The following ZNF536 variants were observed in gnomAD, a reference collection of about 807,000 sequenced individuals.
The protein encoded by ZNF536 is zinc finger protein 536.
A neutral mutation model predicts 84.5 loss-of-function variants in ZNF536; 13 were observed. The observed-to-expected ratio is 0.15, with a 90% CI of 0.10 to 0.24. ZNF536 has a LOEUF of 0.24. ZNF536 is among the 10% of genes least tolerant of loss of function. The pLI, the probability that ZNF536 is intolerant of heterozygous loss-of-function variation, is 1.00. For synonymous variants in ZNF536, 811 were observed against 742.5 expected (o/e 1.09, Z -1.50); for missense variants, 1,536 against 1,747.5 (o/e 0.88, Z 2.16).
At chr19:30,566,384 A>G (rs1327918400) in intron 1 of ZNF536, among the ~76,000 whole-genome samples, 1 of 152,240 alleles carries the variant, frequency 6.6e-6, no homozygotes, top group Non-Finnish European at 1.5e-5. Context: ...GCAAAGTTGT[A>G]AATAATAAAG....
At chr19:30,425,860 G>A (rs1390832966) in intron 1 of ZNF536, among the ~76,000 whole-genome samples, 1 of 152,222 alleles carries the variant, frequency 6.6e-6, no homozygotes, top group African/African-American at 2.4e-5. Context: ...TAGGGACTGT[G>A]GTGGGCATGG....
intron 1 of ZNF536, among the ~76,000 whole-genome samples, chr19:30,583,823 G>A (rs937490720): frequency 1.3e-5 from 2 of 152,166 alleles, no homozygotes; most frequent in Non-Finnish European, 2.9e-5. Context: ...AATGAATGAA[G>A]TAAACAACTC....
At chr19:30,328,561 C>T (rs2047110378) in intron 2 of ZNF536, among the ~76,000 whole-genome samples, 1 of 152,176 alleles carries the variant, frequency 6.6e-6, no homozygotes, top group Non-Finnish European at 1.5e-5. Flanking sequence ...TCTGGCTGTC[C>T]ACGTAGCCCT....
intron 2 of ZNF536, among the ~76,000 whole-genome samples, chr19:30,454,264 C>T (rs33439): frequency 0.5 from 75,665 of 152,042 alleles, 20,110 homozygotes; most frequent in Non-Finnish European, 0.6. Context: ...GACCTCAGTT[C>T]CAAAACCATT....
In ZNF536 at chr19:30,455,305, C is replaced by T. The variant is rs151166888; in HGVS notation, c.2170+9573C>T. On this transcript the variant is annotated intron_variant, in intron 2 of 4. Transcript: ENST00000355537. ...ACTAAACTAGTAAATATTTTGTTAT[C>T]GATGCATAGTTTATGTATAGATTTT... 5.1e-4 allele frequency among the ~76,000 whole-genome samples: 78 copies of T among 152,012 alleles called. 2 individuals carry two copies. The highest frequency in any genetic ancestry group is 1.8e-3 in the African/African-American group (73 of 41,426).
intron 1 of ZNF536, among the ~76,000 whole-genome samples, chr19:30,402,796 A>AATAT (rs869301101): frequency 0.014 from 1,205 of 85,562 alleles, 22 homozygotes; most frequent in Middle Eastern, 0.059. Flanking sequence ...AAAATTAAAA[A>AATAT]ATATATATAT....
At chr19:30,381,690 G>T (rs1291578863) in intron 1 of ZNF536, among the ~76,000 whole-genome samples, 3 of 152,172 alleles carry the variant, frequency 2.0e-5, no homozygotes, top group African/African-American at 7.2e-5. Context: ...TAATTCCAAG[G>T]GCCATAGGAA....
intron 2 of ZNF536, among the ~76,000 whole-genome samples, chr19:30,458,447 GTTTTTTTT>G (rs3084731): frequency 3.8e-4 from 32 of 83,490 alleles, no homozygotes; most frequent in Non-Finnish European, 6.4e-4. Flanking sequence ...ATTTCCTGCT[GTTTTTTTT>G]TTTTTTTTTT....
At chr19:30,607,705 T>C (rs1422377571) in intron 1 of ZNF536, among the ~76,000 whole-genome samples, 1 of 109,608 alleles carries the variant, frequency 9.1e-6, no homozygotes, top group Non-Finnish European at 1.9e-5. Flanking sequence ...CTGGGTGACA[T>C]GTCTCAAAAA....
At chr19:30,472,089 G>A (rs746856637) in intron 2 of ZNF536, among the ~76,000 whole-genome samples, 6 of 152,190 alleles carry the variant, frequency 3.9e-5, no homozygotes, top group East Asian at 1.9e-4. Flanking sequence ...GCATACCTGC[G>A]GAAGCAGAGT....
chr19:30,589,518 T>C (rs2047206986), intron 1 of ZNF536, among the ~76,000 whole-genome samples: 1 of 152,248 alleles, frequency 6.6e-6, no homozygotes, highest in Non-Finnish European at 1.5e-5. Flanking sequence ...TACCTCCTTC[T>C]ACTGGCAGCC....
At chr19:30,301,266 C>T (rs978717884) in intron 2 of ZNF536, among the ~76,000 whole-genome samples, 2 of 152,064 alleles carry the variant, frequency 1.3e-5, no homozygotes, top group South Asian at 2.1e-4. Flanking sequence ...CAGAAATAAC[C>T]TCTTCACATG....
intron 2 of ZNF536, among the ~76,000 whole-genome samples, chr19:30,319,211 G>T (rs530956072): frequency 9.2e-5 from 14 of 152,364 alleles, no homozygotes; most frequent in African/African-American, 3.4e-4. Flanking sequence ...ATGCCGGGAA[G>T]TTGGGGACAC....
chr19:30,253,084 A>G (rs536643227), intron 1 of ZNF536, among the ~76,000 whole-genome samples: 17 of 152,262 alleles, frequency 1.1e-4, no homozygotes, highest in African/African-American at 4.1e-4. Context: ...TGGAACCATC[A>G]CCCTTTAGGC....
chr19:30,517,031 G>A (rs116717463), intron 2 of ZNF536, among the ~76,000 whole-genome samples: 419 of 152,210 alleles, frequency 2.8e-3, no homozygotes, highest in African/African-American at 9.4e-3. Context: ...TACATCGCCT[G>A]GTTCTCTGGT....
chr19:30,546,311 T>C (rs531570892), intron 3 of ZNF536, among the ~76,000 whole-genome samples: 2 of 152,344 alleles, frequency 1.3e-5, no homozygotes, highest in African/African-American at 4.8e-5. Flanking sequence ...ATTCCTGTCA[T>C]TGGTCTAGCT....
chr19:30,249,325 C>A (rs2024469741), intron 1 of ZNF536, among the ~76,000 whole-genome samples: 1 of 126,494 alleles, frequency 7.9e-6, no homozygotes. Flanking sequence ...ATAATATAAA[C>A]AGGAAAAGAA....
intron 2 of ZNF536, among the ~76,000 whole-genome samples, chr19:30,479,523 G>A (rs1468899461): frequency 2.6e-5 from 4 of 152,210 alleles, no homozygotes; most frequent in Admixed American, 2.6e-4. Context: ...TGTGGAAAAG[G>A]TCAACAACTG....
intron 1 of ZNF536, among the ~76,000 whole-genome samples, chr19:30,637,939 T>C (rs1888964354): frequency 6.6e-6 from 1 of 152,216 alleles, no homozygotes. Context: ...ATTGCCTCTG[T>C]ACTTTGTCTT....
Sources: gnomAD v4.1 joint callset for allele counts (sites outside exome capture counted in the v4.1 genomes callset) on GRCh38, gnomAD v4.1.1 for gene constraint, MANE v1.5 for transcripts, NCBI Gene and HGNC (gene_info 2026-07-23, HGNC 2026-07-21) for gene names.